The following SHANK2 variants were observed in gnomAD, a reference collection of about 807,000 sequenced individuals.
SHANK2 encodes SH3 and multiple ankyrin repeat domains 2.
Under a neutral mutation model 133.7 loss-of-function variants are expected in SHANK2, and 43 were observed. The observed-to-expected ratio is 0.32, with a 90% CI of 0.25 to 0.41. The LOEUF (loss-of-function observed/expected upper bound fraction) is 0.41, where lower values mean the gene tolerates loss of function less well. Among genes scored for constraint, SHANK2 ranks in the 10% least tolerant of loss-of-function variants. The pLI, the probability that SHANK2 is intolerant of heterozygous loss-of-function variation, is 1.00. For missense variants in SHANK2, 1,994 were observed against 2,235.8 expected (o/e 0.89, Z 2.18); for synonymous variants, 1,017 against 952.8 (o/e 1.07, Z -1.24).
intron 10 of SHANK2, among the ~76,000 whole-genome samples, chr11:70,953,548 G>A (rs1555087113): frequency 1.3e-5 from 2 of 152,108 alleles, no homozygotes; most frequent in African/African-American, 4.8e-5. Flanking sequence ...GGAGTCTGCT[G>A]TTCCAGGTCA....
chr11:70,645,805 G>A (rs566626284), intron 17 of SHANK2, among the ~76,000 whole-genome samples: 19 of 151,964 alleles, frequency 1.3e-4, no homozygotes, highest in South Asian at 2.1e-4. Context: ...CAGGACCCCC[G>A]AGAACCCTCT....
At chr11:70,586,926 C>A (rs1388928186) in intron 17 of SHANK2, among the ~76,000 whole-genome samples, 3 of 152,170 alleles carry the variant, frequency 2.0e-5, no homozygotes, top group Non-Finnish European at 4.4e-5. Flanking sequence ...CTTCCCTCCC[C>A]CACCTCACTC....
chr11:70,910,806 CA>C (rs36001144), intron 10 of SHANK2, among the ~76,000 whole-genome samples: 97,579 of 136,946 alleles, frequency 0.71, 35,358 homozygotes, highest in East Asian at 0.84. Flanking sequence ...GACTCCATCT[CA>C]AAAAAAAAAA....
At chr11:71,178,306 T>C (rs1468008204) in intron 2 of SHANK2, among the ~76,000 whole-genome samples, 2 of 152,230 alleles carry the variant, frequency 1.3e-5, no homozygotes, top group Non-Finnish European at 2.9e-5. Flanking sequence ...TTGAAAACAT[T>C]ATGCTAAATA....
At chr11:71,075,357 G>A (rs950381697) in intron 8 of SHANK2, 82 bp from the exon 9 acceptor site, 19 of 132,196 alleles carry the variant, frequency 1.4e-4, no homozygotes, top group East Asian at 1.0e-3. Context: ...CCAGCCACTC[G>A]GCTGCTCCAC....
chr11:70,737,416 C>A (rs569310145), intron 14 of SHANK2, among the ~76,000 whole-genome samples: 2 of 152,142 alleles, frequency 1.3e-5, no homozygotes, highest in Admixed American at 6.5e-5. Flanking sequence ...ACCTGGGACA[C>A]GCCAGCCCCC....
Position 70,813,075 on chromosome 11 carries a change from C to T in SHANK2, c.1494-5904G>A, listed in dbSNP as rs1259922162. Among the ~76,000 whole-genome samples the T allele has an allele frequency of 5.3e-5, 8 of 152,168 alleles. No homozygotes were observed. In the East Asian group the frequency reaches 7.8e-4, roughly 15 times the overall value. ...CTCTGCGGGTGGGCTGTGAGCCCAT[C>T]GCCATGTGGGTCTGCAGACCCCCGT... On this transcript the variant is annotated intron_variant, in intron 12 of 25. Coordinates refer to ENST00000601538, the MANE Select transcript of SHANK2 (RefSeq NM_012309.5).
chr11:70,492,202 T>C, intron 22 of SHANK2, 133 bp downstream of exon 22: 1 of 1,331,346 alleles, frequency 7.5e-7, no homozygotes. Flanking sequence ...TGTGGCCACT[T>C]AGATTTGGGC....
chr11:70,484,253 T>C (rs782047811), intron 25 of SHANK2, among the ~76,000 whole-genome samples: 1 of 152,172 alleles, frequency 6.6e-6, no homozygotes, highest in Non-Finnish European at 1.5e-5. Context: ...TGTGAAATTG[T>C]AGTCTCCAGT....
At chr11:71,149,442 GTC>G (rs1337010084) in intron 2 of SHANK2, among the ~76,000 whole-genome samples, 1 of 152,144 alleles carries the variant, frequency 6.6e-6, no homozygotes, top group East Asian at 1.9e-4. Flanking sequence ...CCTTTGTCTT[GTC>G]GCTTCTCTAC....
At chr11:70,709,752 G>A (rs541776940) in intron 14 of SHANK2, among the ~76,000 whole-genome samples, 1 of 152,242 alleles carries the variant, frequency 6.6e-6, no homozygotes, top group African/African-American at 2.4e-5. Context: ...AGTATCATGA[G>A]ATTTGGGGTT....
intron 10 of SHANK2, among the ~76,000 whole-genome samples, chr11:70,918,445 A>G (rs1233159537): frequency 6.6e-6 from 1 of 152,248 alleles, no homozygotes; most frequent in Non-Finnish European, 1.5e-5. Flanking sequence ...TGGCTCTGCC[A>G]GTCGAAGTGG....
chr11:70,795,407 C>CTTT lies in SHANK2; in HGVS notation c.1777+3033_1777+3035dup, dbSNP rs71049944. On this transcript the variant is annotated intron_variant, in intron 14 of 25. Transcript: ENST00000601538. ...TTTCTTTTTTCTTTTCTTTCTTTTT[C>CTTT]TTTTTTTTTTTTTTTTGAGATGGAG... is the stretch of plus-strand genomic sequence containing the variant. Among the ~76,000 whole-genome samples the CTTT allele has an allele frequency of 8.8e-4, 113 of 128,444 alleles. 5 individuals are homozygous for CTTT. Among genetic ancestry groups the CTTT allele is most frequent in the African/African-American group, 2.3e-3 (80 of 34,174 alleles). 84.3% of individuals were successfully genotyped at this position (128,444 alleles called of 152,430 possible).
At chr11:71,181,333 C>T (rs1356553788) in intron 2 of SHANK2, among the ~76,000 whole-genome samples, 1 of 152,136 alleles carries the variant, frequency 6.6e-6, no homozygotes, top group East Asian at 1.9e-4. Context: ...GGCACATGGC[C>T]TTTAAGAATG....
intron 10 of SHANK2, among the ~76,000 whole-genome samples, chr11:70,918,151 C>G (rs1555080155): frequency 6.6e-6 from 1 of 152,052 alleles, no homozygotes; most frequent in African/African-American, 2.4e-5. Context: ...AACAGGTGGC[C>G]CACTGATCTG....
At chr11:70,665,199 G>A (rs999562137) in intron 15 of SHANK2, among the ~76,000 whole-genome samples, 4 of 152,156 alleles carry the variant, frequency 2.6e-5, no homozygotes, top group African/African-American at 7.2e-5. Flanking sequence ...GGAGTGCAGT[G>A]GTGCCATCAC....
At chr11:70,493,868 G>A (rs782472102) in intron 21 of SHANK2, among the ~76,000 whole-genome samples, 22 of 152,208 alleles carry the variant, frequency 1.4e-4, no homozygotes, top group Non-Finnish European at 2.8e-4. Context: ...CAGACTTTGA[G>A]CCATGAGGCT....
intron 10 of SHANK2, among the ~76,000 whole-genome samples, chr11:70,920,256 T>TATGC (rs1207622752): frequency 1.3e-5 from 2 of 152,184 alleles, no homozygotes; most frequent in African/African-American, 4.8e-5. Context: ...ATTATGTATG[T>TATGC]ATGCATGTAT....
chr11:70,487,374 C>A lies in SHANK2; in HGVS notation c.2919G>T (p.Pro973=). The A allele has an allele frequency of 6.2e-7, 1 of 1,614,074 alleles. No individual in the cohort carries two copies. Among genetic ancestry groups the A allele is most frequent in the Non-Finnish European group, 8.5e-7 (1 of 1,180,022 alleles). Residue 973 remains proline (P), a synonymous_variant, in exon 25 of 26, where the codon CCG becomes CCT. Coordinates refer to ENST00000601538, the MANE Select transcript of SHANK2 (RefSeq NM_012309.5). The surrounding 1 kb of genome is among the most constrained non-coding windows in gnomAD (Gnocchi z 5.8). ...CTCTCTTGTTGCGGAAGTTGGCTTG[C>A]GGGCCGGCATTCCGACTGTAGAGGT... is the stretch of plus-strand genomic sequence containing the variant. ...SEDLYSRNAG[P]QANFRNKRGQ...
Sources: gnomAD v4.1 joint callset for allele counts (sites outside exome capture counted in the v4.1 genomes callset) on GRCh38, gnomAD v4.1.1 for gene constraint, Gnocchi (gnomAD v3.1) non-coding constraint, MANE v1.5 for transcripts, NCBI Gene and HGNC (gene_info 2026-07-23, HGNC 2026-07-21) for gene names.